SLIT3: variants seen among roughly 807,000 people sequenced by gnomAD.
The protein encoded by SLIT3 is slit homolog 3 protein.
A neutral mutation model predicts 184.0 loss-of-function variants in SLIT3; 68 were observed. The observed-to-expected ratio is 0.37, with a 90% CI of 0.30 to 0.45. SLIT3 has a LOEUF of 0.45. SLIT3 is among the 20% of genes least tolerant of loss of function. SLIT3 has a pLI of 1.00. For synonymous variants in SLIT3, 831 were observed against 828.6 expected (o/e 1.00, Z -0.05); for missense variants, 1,707 against 2,026.0 (o/e 0.84, Z 3.02).
At chr5:168,839,146 C>T (rs914333129) in intron 6 of SLIT3, among the ~76,000 whole-genome samples, 2 of 152,228 alleles carry the variant, frequency 1.3e-5, no homozygotes. Flanking sequence ...CTGGGGTGTC[C>T]TTGCTTAGGT....
intron 8 of SLIT3, among the ~76,000 whole-genome samples, chr5:168,813,016 G>A (rs1299056857): frequency 6.6e-6 from 1 of 152,058 alleles, no homozygotes; most frequent in Non-Finnish European, 1.5e-5. Context: ...TAGGCATTTG[G>A]GGCACCTGAA....
intron 12 of SLIT3, among the ~76,000 whole-genome samples, chr5:168,780,959 G>A (rs373978117): frequency 4.5e-4 from 69 of 152,292 alleles, no homozygotes; most frequent in South Asian, 2.7e-3. Flanking sequence ...TGTAGGCCAC[G>A]TCTTGCTAAA....
At chr5:169,151,645 T>C (rs559122295) in intron 4 of SLIT3, among the ~76,000 whole-genome samples, 2 of 152,360 alleles carry the variant, frequency 1.3e-5, no homozygotes, top group African/African-American at 4.8e-5. Flanking sequence ...TTTAGTGAGA[T>C]GACTTGGCCA....
intron 17 of SLIT3, 69 bp from the exon 18 acceptor site, chr5:168,753,167 G>T: frequency 6.5e-7 from 1 of 1,533,296 alleles, no homozygotes; most frequent in Non-Finnish European, 8.9e-7. Flanking sequence ...GTGCCACGGT[G>T]GTGTGTGTGT....
intron 4 of SLIT3, among the ~76,000 whole-genome samples, chr5:169,122,712 T>C (rs867739749): frequency 6.6e-6 from 1 of 152,166 alleles, no homozygotes; most frequent in Non-Finnish European, 1.5e-5. Flanking sequence ...CTCCCTGCAT[T>C]CTATTGGCAC....
At chr5:169,044,591 G>T (rs936686972) in intron 4 of SLIT3, among the ~76,000 whole-genome samples, 4 of 151,604 alleles carry the variant, frequency 2.6e-5, no homozygotes, top group African/African-American at 4.9e-5. Flanking sequence ...GGAAGGTGGG[G>T]GGGGGGATGG....
chr5:168,877,668 C>A (rs765677894), intron 5 of SLIT3, among the ~76,000 whole-genome samples: 1 of 152,174 alleles, frequency 6.6e-6, no homozygotes, highest in Non-Finnish European at 1.5e-5. Flanking sequence ...TGCGGCAACA[C>A]AGACTAACTA....
At chr5:168,960,208 T>G (rs1029713736) in intron 4 of SLIT3, among the ~76,000 whole-genome samples, 1 of 152,214 alleles carries the variant, frequency 6.6e-6, no homozygotes, top group Admixed American at 6.5e-5. Flanking sequence ...GTACCTGGCG[T>G]ACTGCATGGC....
chr5:168,828,997 G>C (rs962964441), intron 6 of SLIT3, among the ~76,000 whole-genome samples: 1 of 152,182 alleles, frequency 6.6e-6, no homozygotes, highest in South Asian at 2.1e-4. Flanking sequence ...AATCAACGGA[G>C]GTGGCTGTAA....
Position 168,685,834 on chromosome 5 carries a change from C to T in SLIT3, c.3408G>A (p.Val1136=). 6.2e-7 allele frequency: 1 copy of T among 1,613,874 alleles called. No homozygotes were observed. The highest frequency in any genetic ancestry group is 1.3e-5 in the African/African-American group (1 of 75,048). The part of the protein sequence containing the change: ...YECQNGAQCI[V]VQQEPTCRCP... ...AGCGGCAGGTGGGCTCCTGCTGCAC[C>T]ACGATGCACTGGGCCCCGTTCTGGC... Residue 1136 remains valine (V), a synonymous_variant, in exon 31 of 36, where the codon GTG becomes GTA. Transcript: ENST00000519560.
chr5:168,783,841 G>A (rs1046924045), intron 12 of SLIT3, among the ~76,000 whole-genome samples: 2 of 152,156 alleles, frequency 1.3e-5, no homozygotes, highest in Non-Finnish European at 2.9e-5. Flanking sequence ...CCTGAGTTGT[G>A]TCAACTCTTG....
At chr5:168,949,450 T>C (rs1762579467) in intron 4 of SLIT3, among the ~76,000 whole-genome samples, 1 of 152,222 alleles carries the variant, frequency 6.6e-6, no homozygotes, top group African/African-American at 2.4e-5. Context: ...ACTCTTATTA[T>C]AGCCAGCCTA....
chr5:169,177,400 A>G (rs1763018506), intron 4 of SLIT3, among the ~76,000 whole-genome samples: 1 of 152,246 alleles, frequency 6.6e-6, no homozygotes, highest in South Asian at 2.1e-4. Context: ...ATCACTGGAA[A>G]GAGATATTAT....
chr5:168,867,446 G>C (rs113824502), intron 5 of SLIT3, among the ~76,000 whole-genome samples: 41 of 152,332 alleles, frequency 2.7e-4, no homozygotes, highest in African/African-American at 8.9e-4. Context: ...TCAAGCTAAA[G>C]AATGTGTTGG....
chr5:168,683,687 G>A (rs1027504591), intron 32 of SLIT3, among the ~76,000 whole-genome samples: 21 of 152,178 alleles, frequency 1.4e-4, no homozygotes, highest in African/African-American at 4.3e-4. Context: ...ACTGCAGCGC[G>A]CACTCCCGCA....
Position 168,663,300 on chromosome 5 carries a change from A to C in SLIT3, c.*3154T>G, listed in dbSNP as rs1364358704. 2.6e-5 allele frequency: 4 copies of C among 152,142 alleles called. No homozygotes were observed. Among genetic ancestry groups the C allele is most frequent in the Non-Finnish European group, 5.9e-5 (4 of 68,242 alleles). The allele number at this position is 152,142 out of a possible 1,614,324, so 9.4% of individuals were successfully genotyped here. On this transcript the variant is annotated 3_prime_UTR_variant, in exon 36 of 36. Coordinates refer to ENST00000519560, the MANE Select transcript of SLIT3 (RefSeq NM_003062.4). The stretch of plus-strand genomic sequence containing the variant: ...CCTAGGGGGAGAGGGGGGATGGGGC[A>C]ATGGAGGTGGGGATGGGGAAATGGA...
intron 3 of SLIT3, among the ~76,000 whole-genome samples, chr5:169,226,711 C>T (rs1365870865): frequency 6.6e-6 from 1 of 152,154 alleles, no homozygotes; most frequent in Non-Finnish European, 1.5e-5. Context: ...ATCAAAACCC[C>T]TACCCCATAT....
intron 17 of SLIT3, among the ~76,000 whole-genome samples, chr5:168,753,647 T>C (rs6867055): frequency 0.084 from 12,773 of 151,994 alleles, 557 homozygotes; most frequent in South Asian, 0.1. Context: ...GTGTGTGTGG[T>C]GTGTGTGTGT....
chr5:168,879,997 G>A (rs1759889691), intron 5 of SLIT3, among the ~76,000 whole-genome samples: 1 of 152,196 alleles, frequency 6.6e-6, no homozygotes, highest in African/African-American at 2.4e-5. Flanking sequence ...TGTATTGTCT[G>A]AACTTGGAAC....
Sources: allele counts gnomAD v4.1 joint callset (sites outside exome capture counted in the v4.1 genomes callset), GRCh38; gene constraint gnomAD v4.1.1; transcripts MANE v1.5; gene names NCBI Gene and HGNC (gene_info 2026-07-23, HGNC 2026-07-21).